TBC1D22A: variants seen among roughly 807,000 people sequenced by gnomAD.
TBC1D22A encodes the protein putative GTPase activator.
In TBC1D22A, 38 loss-of-function variants were observed where a neutral mutation model predicts 60.2. That is an observed-to-expected ratio of 0.63 (90% confidence interval 0.49 to 0.83). The LOEUF (loss-of-function observed/expected upper bound fraction) is 0.83. Among genes scored for constraint, TBC1D22A ranks in the 40% least tolerant of loss-of-function variants. The pLI is 0.00. For missense variants in TBC1D22A, 628 were observed against 701.0 expected (o/e 0.90, Z 1.18); for synonymous variants, 302 against 281.7 (o/e 1.07, Z -0.72).
At chr22:47,148,535 C>T (rs949585442) in intron 12 of TBC1D22A, among the ~76,000 whole-genome samples, 6 of 151,430 alleles carry the variant, frequency 4.0e-5, no homozygotes, top group African/African-American at 1.5e-4. Context: ...ACAGAGTCCC[C>T]TCCCTGGAGT....
chr22:47,163,391 C>G (rs1449980216), intron 12 of TBC1D22A, among the ~76,000 whole-genome samples: 1 of 152,248 alleles, frequency 6.6e-6, no homozygotes, highest in African/African-American at 2.4e-5. Context: ...CTTTAAATGC[C>G]ATTCTTAGGA....
At chr22:47,035,541 C>T (rs1269180521) in intron 10 of TBC1D22A, among the ~76,000 whole-genome samples, 1 of 152,200 alleles carries the variant, frequency 6.6e-6, no homozygotes, top group African/African-American at 2.4e-5. Context: ...CAGTGTGAAG[C>T]AGGCCTCATC....
At chr22:47,141,568 G>T (rs2089799091) in intron 12 of TBC1D22A, among the ~76,000 whole-genome samples, 1 of 152,204 alleles carries the variant, frequency 6.6e-6, no homozygotes, top group African/African-American at 2.4e-5. Flanking sequence ...TCCACGTCTG[G>T]GCTTCCAGCT....
chr22:46,926,973 C>T (rs1373398711), intron 8 of TBC1D22A, among the ~76,000 whole-genome samples: 1 of 152,110 alleles, frequency 6.6e-6, no homozygotes, highest in African/African-American at 2.4e-5. Context: ...AAAATCCCCA[C>T]AAAGAAAATC....
At chr22:46,788,023 G>A (rs1326568764) in intron 1 of TBC1D22A, among the ~76,000 whole-genome samples, 1 of 146,468 alleles carries the variant, frequency 6.8e-6, no homozygotes, top group East Asian at 2.0e-4. Context: ...TGCAAGCTCT[G>A]CCTCCCGGGT....
intron 8 of TBC1D22A, chr22:46,913,546 C>A: frequency 8.1e-7 from 1 of 1,229,014 alleles, no homozygotes; most frequent in Non-Finnish European, 1.0e-6. Context: ...TGCCTCGGCT[C>A]ACTCCCTAAT....
chr22:46,935,682 A>C (rs1041088306), intron 8 of TBC1D22A, among the ~76,000 whole-genome samples: 1 of 152,176 alleles, frequency 6.6e-6, no homozygotes. Flanking sequence ...TGTGGGCTGG[A>C]ACCAGTTAGA....
At chr22:46,992,757 G>A (rs2074992848) in intron 9 of TBC1D22A, among the ~76,000 whole-genome samples, 1 of 152,238 alleles carries the variant, frequency 6.6e-6, no homozygotes, top group Non-Finnish European at 1.5e-5. Flanking sequence ...GAGTGCAGCT[G>A]TGACAGGAGG....
At chr22:47,101,831 G>A (rs1049275104) in intron 11 of TBC1D22A, among the ~76,000 whole-genome samples, 2 of 152,140 alleles carry the variant, frequency 1.3e-5, no homozygotes, top group South Asian at 2.1e-4. Context: ...GTTAGGATCC[G>A]CCCACTACAT....
chr22:47,000,612 A>G (rs1490242278), intron 10 of TBC1D22A, among the ~76,000 whole-genome samples: 1 of 152,178 alleles, frequency 6.6e-6, no homozygotes, highest in Non-Finnish European at 1.5e-5. Context: ...AAGCCCGCAG[A>G]TGGGGAACTC....
intron 12 of TBC1D22A, among the ~76,000 whole-genome samples, chr22:47,167,248 G>A (rs2068242988): frequency 1.3e-5 from 2 of 152,238 alleles, no homozygotes; most frequent in South Asian, 4.1e-4. Context: ...GCACAGCGGG[G>A]AACCTTCATG....
intron 11 of TBC1D22A, among the ~76,000 whole-genome samples, chr22:47,071,425 C>G (rs1051162298): frequency 6.6e-6 from 1 of 152,334 alleles, no homozygotes; most frequent in African/African-American, 2.4e-5. Context: ...AGTGCAGGCC[C>G]CTCTCTCCCC....
intron 12 of TBC1D22A, among the ~76,000 whole-genome samples, chr22:47,159,223 A>G (rs1366161593): frequency 2.6e-5 from 4 of 151,312 alleles, no homozygotes; most frequent in Non-Finnish European, 5.9e-5. Flanking sequence ...ATGTATGCAC[A>G]CAGACACCAC....
chr22:46,978,109 C>G (rs1366195653), intron 9 of TBC1D22A, among the ~76,000 whole-genome samples: 1 of 152,240 alleles, frequency 6.6e-6, no homozygotes, highest in Non-Finnish European at 1.5e-5. Context: ...AGTGCAGGCT[C>G]TCCTGCCCTG....
intron 4 of TBC1D22A, among the ~76,000 whole-genome samples, chr22:46,854,261 C>T (rs562403977): frequency 3.9e-5 from 6 of 152,274 alleles, no homozygotes; most frequent in African/African-American, 1.4e-4. Flanking sequence ...CCCTGAGTTT[C>T]CTTTCCTCAT....
At position 46,847,567 on chromosome 22, in the gene TBC1D22A, G is replaced by A. The variant is rs540301022; in HGVS notation, c.638-31086G>A. Among the ~76,000 whole-genome samples the A allele has an allele frequency of 3.3e-5, 5 of 152,296 alleles. No homozygotes were observed. In the East Asian group the frequency reaches 7.7e-4, roughly 23 times the overall value. ...CTTCACACGCTCCTCCTGCCCCACTGTGTGGACGTGTCTGTAGGAAAATGT... is the reference window on the plus strand; with the variant it reads ...CTTCACACGCTCCTCCTGCCCCACTATGTGGACGTGTCTGTAGGAAAATGT... On this transcript the variant is annotated intron_variant, in intron 4 of 12. Coordinates refer to ENST00000337137, the MANE Select transcript of TBC1D22A (RefSeq NM_014346.5).
At chr22:47,078,578 G>A (rs1743281638) in intron 11 of TBC1D22A, among the ~76,000 whole-genome samples, 1 of 152,260 alleles carries the variant, frequency 6.6e-6, no homozygotes, top group Non-Finnish European at 1.5e-5. Flanking sequence ...GTGGCACGCA[G>A]TGCCGTGTCA....
chr22:46,974,268 T>C, intron 8 of TBC1D22A, 22 bp from the exon 9 acceptor site: 1 of 1,565,094 alleles, frequency 6.4e-7, no homozygotes, highest in Non-Finnish European at 8.7e-7. Context: ...TCCTTGTCTT[T>C]TGCATGCTCG....
intron 4 of TBC1D22A, among the ~76,000 whole-genome samples, chr22:46,854,377 T>TC (rs2087457284): frequency 1.3e-5 from 2 of 151,976 alleles, no homozygotes; most frequent in African/African-American, 4.8e-5. Flanking sequence ...CTTCTCTCCC[T>TC]CCCCTTCCCG....
Sources: gnomAD v4.1 joint callset for allele counts (sites outside exome capture counted in the v4.1 genomes callset) on GRCh38, gnomAD v4.1.1 for gene constraint, MANE v1.5 for transcripts, NCBI Gene and HGNC (gene_info 2026-07-23, HGNC 2026-07-21) for gene names.